Variants in MARCHF10 observed in about 807,000 individuals in gnomAD.
The protein encoded by MARCHF10 is probable E3 ubiquitin-protein ligase MARCHF10.
A neutral mutation model predicts 76.2 loss-of-function variants in MARCHF10; 64 were observed. That is an observed-to-expected ratio of 0.84 (90% CI 0.69 to 1.03). The LOEUF (loss-of-function observed/expected upper bound fraction) is 1.03. MARCHF10 is among the 50% of genes least tolerant of loss of function. The probability of loss-of-function intolerance (pLI) is 0.00; values close to 1 mark genes in which losing one functional copy is unlikely to be tolerated. For synonymous variants in MARCHF10, 340 were observed against 357.5 expected (o/e 0.95, Z 0.55); for missense variants, 875 against 958.0 (o/e 0.91, Z 1.14).
At chr17:62,716,001 C>A (rs1163007972) in intron 8 of MARCHF10, among the ~76,000 whole-genome samples, 1 of 152,172 alleles carries the variant, frequency 6.6e-6, no homozygotes, top group Non-Finnish European at 1.5e-5. Flanking sequence ...GGGAGGCGTC[C>A]GTCCCAGATG....
chr17:62,732,482 C>T (rs1196975091), intron 6 of MARCHF10, among the ~76,000 whole-genome samples: 1 of 152,160 alleles, frequency 6.6e-6, no homozygotes, highest in Non-Finnish European at 1.5e-5. Flanking sequence ...AGGGAACTAT[C>T]CCAAACGCTC....
At chr17:62,740,034 T>G (rs2091448243) in intron 5 of MARCHF10, among the ~76,000 whole-genome samples, 1 of 149,938 alleles carries the variant, frequency 6.7e-6, no homozygotes. Context: ...AAAAATTCAA[T>G]CAGAGCTTCT....
intron 3 of MARCHF10, chr17:62,781,051 T>A (rs1272907567): frequency 1.3e-5 from 2 of 152,216 alleles, no homozygotes; most frequent in African/African-American, 4.8e-5. Context: ...CTCTTTGCTT[T>A]TTAGTCTACT....
intron 9 of MARCHF10, among the ~76,000 whole-genome samples, chr17:62,708,310 G>A (rs574878420): frequency 1.8e-4 from 27 of 150,298 alleles, no homozygotes; most frequent in South Asian, 6.3e-4. Flanking sequence ...CAGTGGCGCC[G>A]TCTCGGCTCA....
Position 62,786,764 on chromosome 17 carries a change from G to A in MARCHF10, c.210+1716C>T, listed in dbSNP as rs909550177. Among the ~76,000 whole-genome samples, 3 of 152,138 alleles carry A rather than the reference G, an allele frequency of 2.0e-5. No homozygotes were observed. In the East Asian group the frequency reaches 5.8e-4, roughly 29 times the overall value. ...ACCAGCTTGTTCCATAAGCTTAAGT[G>A]TGAAAAGGAACATAAAACTTCAAAT... On this transcript the variant is annotated intron_variant, in intron 3 of 10. Coordinates refer to ENST00000311269, the MANE Select transcript of MARCHF10 (RefSeq NM_152598.4).
chr17:62,723,615 C>T, intron 7 of MARCHF10, among the ~76,000 whole-genome samples: 1 of 133,434 alleles, frequency 7.5e-6, no homozygotes. Flanking sequence ...ACCAAATGTC[C>T]CATGAGTCTT....
intron 3 of MARCHF10, among the ~76,000 whole-genome samples, chr17:62,760,604 T>A (rs1429343658): frequency 6.6e-6 from 1 of 152,222 alleles, no homozygotes; most frequent in Admixed American, 6.5e-5. Flanking sequence ...TGTCAGAATA[T>A]CTCAACACAG....
intron 1 of MARCHF10, among the ~76,000 whole-genome samples, chr17:62,803,544 G>A (rs1029507674): frequency 6.6e-5 from 10 of 151,788 alleles, no homozygotes; most frequent in African/African-American, 1.9e-4. Context: ...TTTTGAGATG[G>A]AGTCCTGCTC....
chr17:62,707,203 C>A (rs1324321023), intron 9 of MARCHF10, among the ~76,000 whole-genome samples: 1 of 152,210 alleles, frequency 6.6e-6, no homozygotes, highest in Non-Finnish European at 1.5e-5. Context: ...CCTGGCCTGC[C>A]AATCCCAGGC....
At chr17:62,784,147 C>G (rs2092708374) in intron 3 of MARCHF10, among the ~76,000 whole-genome samples, 1 of 152,166 alleles carries the variant, frequency 6.6e-6, no homozygotes, top group African/African-American at 2.4e-5. Flanking sequence ...CAAAGCGAAT[C>G]CAGTAGCACA....
At chr17:62,803,483 T>G (rs115761596) in intron 1 of MARCHF10, among the ~76,000 whole-genome samples, 2,226 of 150,782 alleles carry the variant, frequency 0.015, 51 homozygotes, top group African/African-American at 0.051. Flanking sequence ...GAGGAGGAGG[T>G]GGAGGACAGT....
rs192182360 is a variant in MARCHF10 at position 62,803,984 on chromosome 17, C to T, written c.-17-2232G>A. Reference sequence around the variant, plus strand: ...GGATTAAGTAACTTCCCTAAAGTTACGGAGCTAGTGAGGGGAAGAGTCGGG... The same window carrying T: ...GGATTAAGTAACTTCCCTAAAGTTATGGAGCTAGTGAGGGGAAGAGTCGGG... On this transcript the variant is annotated intron_variant, in intron 1 of 10. Transcript: ENST00000311269. Among the ~76,000 whole-genome samples the T allele has an allele frequency of 3.3e-5, 5 of 152,150 alleles. No individual in the cohort carries two copies. The South Asian group carries it at 6.2e-4, about 19-fold the overall frequency.
chr17:62,736,364 C>T lies in MARCHF10; in HGVS notation c.1504G>A (p.Glu502Lys), dbSNP rs372007543. 3.7e-6 allele frequency: 6 copies of T among 1,614,094 alleles called. No homozygotes were observed. The highest frequency in any genetic ancestry group is 1.3e-5 in the African/African-American group (1 of 74,918). ...CAAACATGAAACCCTGAGTTTCCCT[C>T]TGAGTCTGAGCTGTGAACTGAAGTC... ...SSTSVHSSDS[E>K]GNSGFHVCQP... Residue 502 changes from glutamate to lysine, a missense_variant, in exon 6 of 11, where the codon GAG (glutamate) becomes AAG (lysine). By Grantham distance (56) the Glu-to-Lys change is moderately conservative. Coordinates refer to ENST00000311269, the MANE Select transcript of MARCHF10 (RefSeq NM_152598.4).
chr17:62,737,698 T>C lies in MARCHF10; in HGVS notation c.536-366A>G, dbSNP rs148425839. ...GTACTGAAAGGGAAAACCACCACTCTGGGAATGACTTCTACAAAAACCACC... is the reference window on the plus strand; with the variant it reads ...GTACTGAAAGGGAAAACCACCACTCCGGGAATGACTTCTACAAAAACCACC... On this transcript the variant is annotated intron_variant, in intron 5 of 10. Coordinates refer to ENST00000311269, the MANE Select transcript of MARCHF10 (RefSeq NM_152598.4). The C allele has an allele frequency of 2.7e-4, 55 of 206,380 alleles. 1 individual carries two copies. In the East Asian group the frequency reaches 8.4e-3, roughly 32 times the overall value. The allele number at this position is 206,380 out of a possible 1,614,324, so 12.8% of individuals were successfully genotyped here. A position where few individuals can be genotyped will look rare whatever the true frequency, so the allele number is the denominator to read the frequency against.
chr17:62,801,521 T>C (rs1273755589), intron 2 of MARCHF10, 125 bp downstream of exon 2: 1 of 568,802 alleles, frequency 1.8e-6, no homozygotes, highest in Admixed American at 2.3e-5. Flanking sequence ...GCTAGTTACA[T>C]ACCTAATCGG....
At chr17:62,756,983 T>G (rs971811390) in intron 4 of MARCHF10, among the ~76,000 whole-genome samples, 6 of 152,234 alleles carry the variant, frequency 3.9e-5, no homozygotes, top group African/African-American at 1.4e-4. Flanking sequence ...CAAATCTGTT[T>G]GTAGAGGGCA....
chr17:62,799,269 C>T (rs376469826), intron 2 of MARCHF10, among the ~76,000 whole-genome samples: 30 of 152,290 alleles, frequency 2.0e-4, no homozygotes, highest in African/African-American at 6.5e-4. Context: ...CTCCTACCAC[C>T]CCGGGCCAAG....
Position 62,724,005 on chromosome 17 carries a change from T to A in MARCHF10, c.2104+933A>T, listed in dbSNP as rs532238900. Reference sequence around the variant, plus strand: ...GGTGAGGGGGCGTGGCAACACCTCATGGGGACAGGGTAAAGCTCTAAGTCT... The same window carrying A: ...GGTGAGGGGGCGTGGCAACACCTCAAGGGGACAGGGTAAAGCTCTAAGTCT... On this transcript the variant is annotated intron_variant, in intron 7 of 10. Coordinates refer to ENST00000311269, the MANE Select transcript of MARCHF10 (RefSeq NM_152598.4). Among the ~76,000 whole-genome samples the A allele has an allele frequency of 2.6e-5, 4 of 152,208 alleles. No homozygotes were observed. The East Asian group carries it at 7.7e-4, about 29-fold the overall frequency.
chr17:62,776,285 T>C (rs188792295), intron 3 of MARCHF10, among the ~76,000 whole-genome samples: 3 of 152,314 alleles, frequency 2.0e-5, no homozygotes, highest in African/African-American at 7.2e-5. Flanking sequence ...ACCCTTTGGG[T>C]CAGAGGTCAC....
Sources: allele counts gnomAD v4.1 joint callset (sites outside exome capture counted in the v4.1 genomes callset), GRCh38; gene constraint gnomAD v4.1.1; transcripts MANE v1.5; gene names NCBI Gene and HGNC (gene_info 2026-07-23, HGNC 2026-07-21).